The following VMP1 variants were observed in gnomAD, a reference collection of about 807,000 sequenced individuals.
VMP1 encodes the protein ectopic P-granules autophagy protein 3 homolog.
Under a neutral mutation model 56.0 loss-of-function variants are expected in VMP1, and 11 were observed. The ratio of observed to expected loss-of-function variants is 0.20; its 90% CI spans 0.12 to 0.32. The LOEUF is 0.32. Ranked by LOEUF, VMP1 falls within the 10% of genes least tolerant of loss-of-function variation. The pLI, the probability that VMP1 is intolerant of heterozygous loss-of-function variation, is 1.00. For missense variants in VMP1, 296 were observed against 490.3 expected, an observed-to-expected ratio of 0.60 and a Z score of 3.74; for synonymous variants, 149 against 165.0, an observed-to-expected ratio of 0.90 and a Z score of 0.74.
intron 1 of VMP1, among the ~76,000 whole-genome samples, chr17:59,728,490 T>C (rs2034694379): frequency 6.6e-6 from 1 of 152,126 alleles, no homozygotes; most frequent in Non-Finnish European, 1.5e-5. Context: ...TCATAAAATA[T>C]AAAAATTTGA....
At chr17:59,733,924 A>G (rs2034924424) in intron 2 of VMP1, among the ~76,000 whole-genome samples, 1 of 152,202 alleles carries the variant, frequency 6.6e-6, no homozygotes, top group Non-Finnish European at 1.5e-5. Flanking sequence ...CTTGCCCAAG[A>G]TCACGTGACT....
At chr17:59,767,075 C>T (rs1467152644) in intron 6 of VMP1, among the ~76,000 whole-genome samples, 1 of 151,986 alleles carries the variant, frequency 6.6e-6, no homozygotes, top group Non-Finnish European at 1.5e-5. Context: ...TTTATTCAGG[C>T]ATCCGTAGGA....
chr17:59,813,540 G>T (rs554954039), intron 9 of VMP1, among the ~76,000 whole-genome samples: 47 of 149,400 alleles, frequency 3.1e-4, no homozygotes, highest in South Asian at 6.3e-4. Context: ...TCGTGCCATT[G>T]CACTCCAGCC....
intron 7 of VMP1, among the ~76,000 whole-genome samples, chr17:59,795,717 G>T (rs1168261003): frequency 2.0e-5 from 3 of 152,094 alleles, no homozygotes; most frequent in African/African-American, 4.8e-5. Context: ...TATTTTCGTT[G>T]TAAGATTGCA....
chr17:59,839,545 ATG>A (rs1349510756), intron 11 of VMP1: 4 of 539,852 alleles, frequency 7.4e-6, no homozygotes, highest in Non-Finnish European at 1.3e-5. Context: ...ATTCTAAACT[ATG>A]TGATTCAACA....
chr17:59,745,779 T>A (rs1187277275), intron 5 of VMP1, among the ~76,000 whole-genome samples: 2 of 152,158 alleles, frequency 1.3e-5, no homozygotes, highest in Non-Finnish European at 2.9e-5. Flanking sequence ...GAATAAATGA[T>A]CATATTGGGA....
intron 10 of VMP1, among the ~76,000 whole-genome samples, chr17:59,830,383 T>G (rs1241697460): frequency 6.6e-6 from 1 of 152,192 alleles, no homozygotes; most frequent in Non-Finnish European, 1.5e-5. Context: ...ATAAGTACCC[T>G]GACCTGAATC....
intron 5 of VMP1, among the ~76,000 whole-genome samples, chr17:59,759,912 T>G (rs1295263907): frequency 3.8e-4 from 57 of 149,096 alleles, no homozygotes; most frequent in Non-Finnish European, 7.4e-4. Flanking sequence ...TGTTTTTTTT[T>G]TTTTTTTTTT....
chr17:59,711,087 A>G (rs546364817), intron 1 of VMP1, among the ~76,000 whole-genome samples: 52 of 151,912 alleles, frequency 3.4e-4, no homozygotes, highest in Non-Finnish European at 4.4e-4. Flanking sequence ...AAAAAAGAGA[A>G]GAAAATAAAA....
In VMP1 at chr17:59,731,415, T is replaced by C; in HGVS notation, c.-26-6T>C. 1 of 1,559,256 alleles carries C rather than the reference T, an allele frequency of 6.4e-7. No individual in the cohort carries two copies. Among genetic ancestry groups the C allele is most frequent in the Non-Finnish European group, 8.7e-7 (1 of 1,147,648 alleles). ...TGTATTGCTGGATTTTATTTTGCTG[T>C]ATTAGCTCCTCAAGAGTTACTGATC... On this transcript the variant is annotated splice_region_variant and splice_polypyrimidine_tract_variant and intron_variant, in intron 1 of 11. Transcript: ENST00000262291.
At chr17:59,708,280 A>G (rs2033765084) in intron 1 of VMP1, among the ~76,000 whole-genome samples, 1 of 152,160 alleles carries the variant, frequency 6.6e-6, no homozygotes, top group Non-Finnish European at 1.5e-5. Context: ...GCCCTTGGAG[A>G]GGAACTTCTC....
At chr17:59,830,665 G>A (rs2038778921) in intron 10 of VMP1, among the ~76,000 whole-genome samples, 1 of 152,156 alleles carries the variant, frequency 6.6e-6, no homozygotes, top group African/African-American at 2.4e-5. Context: ...CATTAATGCT[G>A]AGATCCTCAA....
chr17:59,832,359 T>G (rs973273328), intron 10 of VMP1, among the ~76,000 whole-genome samples: 2 of 151,508 alleles, frequency 1.3e-5, no homozygotes, highest in African/African-American at 2.4e-5. Context: ...GAGACAGGAT[T>G]TCGCCATGTT....
In VMP1 at chr17:59,795,408, T is replaced by C. The variant is rs117120313; in HGVS notation, c.715-13388T>C. Among the ~76,000 whole-genome samples the C allele has an allele frequency of 3.9e-3, 571 of 144,870 alleles. 23 individuals are homozygous for C. The East Asian group carries it at 0.09, about 23-fold the overall frequency. On this transcript the variant is annotated intron_variant, in intron 7 of 11. Coordinates refer to ENST00000262291, the MANE Select transcript of VMP1 (RefSeq NM_030938.5). ...CTGGGATTACAGGCGTGAACCACTG[T>C]GCCTGGCCGATAATTTTTTGATTTT...
At chr17:59,709,365 A>G (rs1471013214) in intron 1 of VMP1, among the ~76,000 whole-genome samples, 1 of 152,202 alleles carries the variant, frequency 6.6e-6, no homozygotes, top group Non-Finnish European at 1.5e-5. Flanking sequence ...GGTAACTATT[A>G]AACTTTAAAT....
intron 10 of VMP1, among the ~76,000 whole-genome samples, chr17:59,827,596 G>T (rs190070243): frequency 6.6e-6 from 1 of 151,914 alleles, no homozygotes; most frequent in Non-Finnish European, 1.5e-5. Flanking sequence ...GGCATGAGCC[G>T]CTGTGCTGGC....
chr17:59,776,686 G>GC (rs2036628569), intron 7 of VMP1, among the ~76,000 whole-genome samples: 1 of 152,204 alleles, frequency 6.6e-6, no homozygotes, highest in Admixed American at 6.6e-5. Flanking sequence ...GTCCACAGAA[G>GC]CAGATGGGTG....
At chr17:59,785,957 A>G (rs886273512) in intron 7 of VMP1, among the ~76,000 whole-genome samples, 1 of 152,152 alleles carries the variant, frequency 6.6e-6, no homozygotes, top group South Asian at 2.1e-4. Context: ...CCCCAAATTA[A>G]GTTTTAATAC....
intron 1 of VMP1, among the ~76,000 whole-genome samples, chr17:59,719,885 CAGCT>C (rs2034327449): frequency 1.3e-5 from 2 of 152,186 alleles, no homozygotes; most frequent in African/African-American, 2.4e-5. Flanking sequence ...TTAAATGCTT[CAGCT>C]GCAGTTAAGG....
Sources: gnomAD v4.1 joint callset for allele counts (sites outside exome capture counted in the v4.1 genomes callset) on GRCh38, gnomAD v4.1.1 for gene constraint, MANE v1.5 for transcripts, NCBI Gene and HGNC (gene_info 2026-07-23, HGNC 2026-07-21) for gene names.